The following GPRIN3 variants were observed in gnomAD, a reference collection of about 807,000 sequenced individuals.
The protein encoded by GPRIN3 is GPRIN family member 3, also known as G protein-regulated inducer of neurite outgrowth 3.
In GPRIN3, 12 loss-of-function variants were observed where a neutral mutation model predicts 13.7. That is an observed-to-expected ratio of 0.87 (90% CI 0.56 to 1.42). The LOEUF (loss-of-function observed/expected upper bound fraction) is 1.42, where lower values mean the gene tolerates loss of function less well. Ranked by LOEUF, GPRIN3 falls within the 40% of genes most tolerant of loss-of-function variation. The probability of loss-of-function intolerance (pLI) is 0.00; values close to 1 mark genes in which losing one functional copy is unlikely to be tolerated. For missense variants in GPRIN3, 1,009 were observed against 958.7 expected, an observed-to-expected ratio of 1.05 and a Z score of -0.69; for synonymous variants, 377 against 372.7, an observed-to-expected ratio of 1.01 and a Z score of -0.13.
At chr4:89,285,541 A>G (rs925800788) in intron 1 of GPRIN3, among the ~76,000 whole-genome samples, 2 of 152,212 alleles carry the variant, frequency 1.3e-5, no homozygotes, top group Non-Finnish European at 1.5e-5. Flanking sequence ...CTCCACAATC[A>G]TAGAATAACC....
chr4:89,271,239 A>C (rs1723941742), intron 1 of GPRIN3, among the ~76,000 whole-genome samples: 1 of 152,202 alleles, frequency 6.6e-6, no homozygotes, highest in South Asian at 2.1e-4. Context: ...GAAGCTCAGA[A>C]AATTTAATCA....
intron 1 of GPRIN3, among the ~76,000 whole-genome samples, chr4:89,259,915 T>C (rs1053970553): frequency 1.1e-4 from 17 of 152,174 alleles, no homozygotes; most frequent in African/African-American, 2.9e-4. Flanking sequence ...AGCAGTACTC[T>C]TGCCTCAGCC....
intron 1 of GPRIN3, among the ~76,000 whole-genome samples, chr4:89,292,807 T>G (rs1286800735): frequency 6.6e-6 from 1 of 152,218 alleles, no homozygotes; most frequent in Admixed American, 6.5e-5. Flanking sequence ...TTAACTGAAC[T>G]TTCATTTTTC....
In GPRIN3 at chr4:89,248,709, T is replaced by G. The variant is rs141265862; in HGVS notation, c.1402A>C (p.Ile468Leu). Residue 468 changes from isoleucine (I) to leucine (L), a missense_variant, in exon 2 of 2, where the codon ATT becomes CTT. Physicochemically the swap from Ile to Leu is conservative, Grantham distance 5 (BLOSUM62 2). Coordinates refer to ENST00000609438, the MANE Select transcript of GPRIN3 (RefSeq NM_198281.3). ...TNSSSLKATA[I>L]DQISISACSQ... ...CATGCACTGATAGAAATCTGGTCAA[T>G]GGCGGTAGCTTTCAGGGAGCTAGAA... 6.2e-7 allele frequency: 1 copy of G among 1,614,182 alleles called. No homozygotes were observed. Among genetic ancestry groups the G allele is most frequent in the South Asian group, 1.1e-5 (1 of 91,080 alleles).
rs1159965161 is a variant in GPRIN3, at chr4:89,239,182, T to G, written c.*8598A>C. ...AAAACATAACTTTGGATTTTAATAT[T>G]AATACATTCATAAATGGACTTTCCA... is the stretch of plus-strand genomic sequence containing the variant. On this transcript the variant is annotated 3_prime_UTR_variant, in exon 2 of 2. Transcript: ENST00000609438. The G allele has an allele frequency of 6.6e-6, 1 of 152,188 alleles. No homozygotes were observed. The highest frequency in any genetic ancestry group is 1.5e-5 in the Non-Finnish European group (1 of 68,016). 9.4% of individuals were successfully genotyped at this position (152,188 alleles called of 1,614,324 possible).
intron 1 of GPRIN3, among the ~76,000 whole-genome samples, chr4:89,305,170 T>A (rs1186230054): frequency 6.6e-6 from 1 of 152,200 alleles, no homozygotes; most frequent in African/African-American, 2.4e-5. Context: ...GTACTCACAC[T>A]GTTTTTCAAC....
chr4:89,265,649 G>A (rs1723760594), intron 1 of GPRIN3, among the ~76,000 whole-genome samples: 1 of 152,010 alleles, frequency 6.6e-6, no homozygotes, highest in Non-Finnish European at 1.5e-5. Context: ...TTAAAATATT[G>A]TTTCCCTTCC....
rs112087186 is a variant in GPRIN3 at position 89,248,697 on chromosome 4, A to G, written c.1414T>C (p.Ser472Pro). The change falls in exon 2 of 2, where the codon TCT becomes CCT. Residue 472 changes from serine (S) to proline (P), a missense_variant. Ser to Pro is a moderately conservative substitution (Grantham distance 74). Coordinates refer to ENST00000609438, the MANE Select transcript of GPRIN3 (RefSeq NM_198281.3). ...TCAGCTTGACTGCATGCACTGATAG[A>G]AATCTGGTCAATGGCGGTAGCTTTC... ...SLKATAIDQI[S>P]ISACSQAETS... 1.8e-3 allele frequency: 2,851 copies of G among 1,614,162 alleles called. 47 individuals are homozygous for G. The African/African-American group carries it at 0.032, about 18-fold the overall frequency.
intron 1 of GPRIN3, among the ~76,000 whole-genome samples, chr4:89,292,093 C>T (rs1724587684): frequency 6.6e-6 from 1 of 152,110 alleles, no homozygotes; most frequent in African/African-American, 2.4e-5. Flanking sequence ...GCAAATAACA[C>T]ATGCTACTTA....
At chr4:89,295,065 A>G (rs1724694873) in intron 1 of GPRIN3, among the ~76,000 whole-genome samples, 1 of 152,248 alleles carries the variant, frequency 6.6e-6, no homozygotes, top group African/African-American at 2.4e-5. Flanking sequence ...ACTCAGACTT[A>G]TAAAGATTTC....
chr4:89,264,257 A>G (rs950386700), intron 1 of GPRIN3, among the ~76,000 whole-genome samples: 10 of 152,108 alleles, frequency 6.6e-5, no homozygotes, highest in Admixed American at 3.9e-4. Context: ...AGATAAAAAG[A>G]GCCTGGCACC....
At chr4:89,283,320 C>T (rs1223616958) in intron 1 of GPRIN3, among the ~76,000 whole-genome samples, 1 of 152,170 alleles carries the variant, frequency 6.6e-6, no homozygotes, top group African/African-American at 2.4e-5. Flanking sequence ...AGCTCACATC[C>T]ACTGGGCAGA....
chr4:89,245,661 A>C lies in GPRIN3; in HGVS notation c.*2119T>G, dbSNP rs1186134386. Reference sequence around the variant, plus strand: ...AGCTGCTACTGTGTACACAGGCTGTACTCTGTGTATACACAGCATGTATGC... The same window carrying C: ...AGCTGCTACTGTGTACACAGGCTGTCCTCTGTGTATACACAGCATGTATGC... On this transcript the variant is annotated 3_prime_UTR_variant, in exon 2 of 2. Transcript: ENST00000609438. 6.6e-6 allele frequency: 1 copy of C among 152,218 alleles called. No homozygotes were observed. Among genetic ancestry groups the C allele is most frequent in the East Asian group, 1.9e-4 (1 of 5,202 alleles). The allele number at this position is 152,218 out of a possible 1,614,324, so 9.4% of individuals were successfully genotyped here.
intron 1 of GPRIN3, among the ~76,000 whole-genome samples, chr4:89,270,295 G>T (rs1399461422): frequency 6.6e-6 from 1 of 151,312 alleles, no homozygotes; most frequent in East Asian, 1.9e-4. Context: ...GACTAAGTAA[G>T]TCTCTCTGCA....
intron 1 of GPRIN3, among the ~76,000 whole-genome samples, chr4:89,290,144 T>A (rs181217628): frequency 7.2e-5 from 11 of 151,752 alleles, no homozygotes; most frequent in Non-Finnish European, 1.3e-4. Flanking sequence ...CTAATTTCTG[T>A]ATTTTTTGTA....
intron 1 of GPRIN3, among the ~76,000 whole-genome samples, chr4:89,303,412 C>A (rs1433332102): frequency 6.6e-6 from 1 of 152,106 alleles, no homozygotes; most frequent in African/African-American, 2.4e-5. Flanking sequence ...CAGTAACATT[C>A]AACTGAACAA....
At chr4:89,251,075 C>G (rs2149257440) in intron 1 of GPRIN3, 1 of 151,928 alleles carries the variant, frequency 6.6e-6, no homozygotes, top group African/African-American at 2.4e-5. Context: ...AGAGGGCAGG[C>G]AAAAATACCT....
At chr4:89,262,248 T>G (rs1431705836) in intron 1 of GPRIN3, among the ~76,000 whole-genome samples, 1 of 152,054 alleles carries the variant, frequency 6.6e-6, no homozygotes. Flanking sequence ...TACTGGCATA[T>G]TTTGTATGCT....
chr4:89,304,802 C>T (rs1320788635), intron 1 of GPRIN3, among the ~76,000 whole-genome samples: 1 of 152,060 alleles, frequency 6.6e-6, no homozygotes, highest in Non-Finnish European at 1.5e-5. Flanking sequence ...AATAAGAATC[C>T]TTGAATTTTT....
Sources: allele counts gnomAD v4.1 joint callset (sites outside exome capture counted in the v4.1 genomes callset), GRCh38; gene constraint gnomAD v4.1.1; transcripts MANE v1.5; gene names NCBI Gene and HGNC (gene_info 2026-07-23, HGNC 2026-07-21).